The following FAM20A variants were observed in gnomAD, a reference collection of about 807,000 sequenced individuals.
FAM20A encodes the protein pseudokinase FAM20A.
A neutral mutation model predicts 52.0 loss-of-function variants in FAM20A; 42 were observed. The ratio of observed to expected loss-of-function variants is 0.81; its 90% CI spans 0.63 to 1.04. The LOEUF is 1.04. Among genes scored for constraint, FAM20A ranks in the 50% least tolerant of loss-of-function variants. FAM20A has a pLI of 0.00. For synonymous variants in FAM20A, 304 were observed against 298.9 expected (o/e 1.02, Z -0.18); for missense variants, 742 against 712.7 (o/e 1.04, Z -0.47).
intron 1 of FAM20A, among the ~76,000 whole-genome samples, chr17:68,596,213 A>G (rs2088448309): frequency 6.6e-6 from 1 of 152,094 alleles, no homozygotes; most frequent in Admixed American, 6.5e-5. Flanking sequence ...ACACACACAC[A>G]CACACACACC....
intron 7 of FAM20A, chr17:68,541,304 C>T (rs2086280883): frequency 2.4e-5 from 8 of 340,120 alleles, no homozygotes; most frequent in South Asian, 5.5e-5. Context: ...TTGGACCCTG[C>T]GCCACTCATA....
In FAM20A at chr17:68,537,818, C is replaced by T; in HGVS notation, c.1362-77G>A. On this transcript the variant is annotated intron_variant, in intron 10 of 10. Coordinates refer to ENST00000592554, the MANE Select transcript of FAM20A (RefSeq NM_017565.4). This position sits in a 1 kb window ranked among gnomAD's most constrained non-coding sequence, Gnocchi z 4.2. ...TTGCCTGAACTTCTTTCCCCACAAA[C>T]AGCTGTTGTAGCTGATACTCTTGGC... 2 of 1,496,946 alleles carry T rather than the reference C, an allele frequency of 1.3e-6. No individual in the cohort carries two copies. The highest frequency in any genetic ancestry group is 2.4e-5 in the South Asian group (2 of 82,754). 92.7% of individuals were successfully genotyped at this position (1,496,946 alleles called of 1,614,324 possible). A position where few individuals can be genotyped will look rare whatever the true frequency, so the allele number is the denominator to read the frequency against.
Position 68,542,078 on chromosome 17 carries a change from G to A in FAM20A, c.1016C>T (p.Ser339Phe). 6.2e-7 allele frequency: 1 copy of A among 1,613,970 alleles called. No homozygotes were observed. Among genetic ancestry groups the A allele is most frequent in the Non-Finnish European group, 8.5e-7 (1 of 1,179,876 alleles). Residue 339 changes from serine (S) to phenylalanine (F), a missense_variant, in exon 7 of 11, where the codon TCC (serine) becomes TTC (phenylalanine). Physicochemically the swap from Ser to Phe is radical, Grantham distance 155. Transcript: ENST00000592554. ...GAGGGACGGCAGGAAGGCAGAGAGGGAACCCTCCAGCAGGTGTGGGTTGCC... is the reference window on the plus strand; with the variant it reads ...GAGGGACGGCAGGAAGGCAGAGAGGAAACCCTCCAGCAGGTGTGGGTTGCC... ...VCGNPHLLEG[S>F]LSAFLPSLNL...
intron 1 of FAM20A, among the ~76,000 whole-genome samples, chr17:68,593,960 G>A (rs1385180819): frequency 8.5e-5 from 13 of 152,212 alleles, no homozygotes; most frequent in Non-Finnish European, 1.8e-4. Context: ...GGGACATCTG[G>A]GCATCAAAGG....
Position 68,536,734 on chromosome 17 carries a change from CT to C in FAM20A, c.*742del, listed in dbSNP as rs772873230. On this transcript the variant is annotated 3_prime_UTR_variant, in exon 11 of 11. Transcript: ENST00000592554. ...GCCATCCTGACCTTGGAGGACTTTCCTTTTTTTTTCCTTCGTTGTAATTATT... is the reference window on the plus strand; with the variant it reads ...GCCATCCTGACCTTGGAGGACTTTCCTTTTTTTTCCTTCGTTGTAATTATT... The C allele has an allele frequency of 2.9e-5, 13 of 452,552 alleles. No homozygotes were observed. Among genetic ancestry groups the C allele is most frequent in the Admixed American group, 2.4e-5 (1 of 42,376 alleles). 28.0% of individuals were successfully genotyped at this position (452,552 alleles called of 1,614,324 possible). A position where few individuals can be genotyped will look rare whatever the true frequency, so the allele number is the denominator to read the frequency against.
chr17:68,542,872 G>T, intron 5 of FAM20A, 63 bp from the exon 6 acceptor site: 1 of 1,312,624 alleles, frequency 7.6e-7, no homozygotes, highest in Non-Finnish European at 1.1e-6. Context: ...GAGGGGTTTT[G>T]TCCCCCGGCC....
chr17:68,541,394 C>T (rs141776411), intron 7 of FAM20A: 26 of 219,308 alleles, frequency 1.2e-4, no homozygotes, highest in African/African-American at 4.8e-4. Flanking sequence ...CATTTTCATC[C>T]GAGGGCTCTT....
At chr17:68,595,518 G>T (rs2088428469) in intron 1 of FAM20A, among the ~76,000 whole-genome samples, 1 of 152,216 alleles carries the variant, frequency 6.6e-6, no homozygotes, top group African/African-American at 2.4e-5. Context: ...AACTAGTCCA[G>T]CAAGGCTCTA....
rs1261284683 is a variant in FAM20A, at chr17:68,536,278, A to G, written c.*1199T>C. The G allele has an allele frequency of 6.6e-6, 3 of 454,028 alleles. No individual in the cohort carries two copies. In the Admixed American group the frequency reaches 7.0e-5, roughly 11 times the overall value. The allele number at this position is 454,028 out of a possible 1,614,324, so 28.1% of individuals were successfully genotyped here. A position where few individuals can be genotyped will look rare whatever the true frequency, so the allele number is the denominator to read the frequency against. On this transcript the variant is annotated 3_prime_UTR_variant, in exon 11 of 11. Transcript: ENST00000592554. ...GTATTTGAACTCTGGCCTTTACTGGAAAAGTTGATTTGATGAAATGAGGCA... is the reference window on the plus strand; with the variant it reads ...GTATTTGAACTCTGGCCTTTACTGGGAAAGTTGATTTGATGAAATGAGGCA...
chr17:68,537,501 A>G lies in FAM20A; in HGVS notation c.1602T>C (p.Ser534=), dbSNP rs370179954. 5.6e-6 allele frequency: 9 copies of G among 1,613,932 alleles called. No homozygotes were observed. In the African/African-American group the frequency reaches 1.1e-4, roughly 19 times the overall value. ...DGPVEQLAPD[S]GQANLTS is the part of the protein sequence containing the mutation. ...CTTAGCTTGTCAAGTTAGCCTGGCCAGAGTCTGGGGCCAACTGTTCCACTG... is the reference window on the plus strand; with the variant it reads ...CTTAGCTTGTCAAGTTAGCCTGGCCGGAGTCTGGGGCCAACTGTTCCACTG... The change falls in exon 11 of 11, where the codon TCT becomes TCC. Residue 534 remains serine, a synonymous_variant. Transcript: ENST00000592554. This position sits in a 1 kb window ranked among gnomAD's most constrained non-coding sequence, Gnocchi z 4.2.
intron 2 of FAM20A, 81 bp downstream of exon 2, chr17:68,555,478 T>G: frequency 1.3e-6 from 2 of 1,507,604 alleles, no homozygotes; most frequent in Non-Finnish European, 1.8e-6. Context: ...AATGTTCCAC[T>G]CTGGAGCCTA....
At chr17:68,576,188 C>T (rs1403307238) in intron 1 of FAM20A, among the ~76,000 whole-genome samples, 1 of 152,188 alleles carries the variant, frequency 6.6e-6, no homozygotes, top group Non-Finnish European at 1.5e-5. Flanking sequence ...GCACTCTTTG[C>T]TTCAATCCCC....
intron 1 of FAM20A, among the ~76,000 whole-genome samples, chr17:68,578,054 A>G (rs910827616): frequency 1.3e-5 from 2 of 152,288 alleles, no homozygotes; most frequent in Non-Finnish European, 2.9e-5. Flanking sequence ...CATTGGATAG[A>G]CAGGTGTCCT....
intron 1 of FAM20A, among the ~76,000 whole-genome samples, chr17:68,595,751 G>A (rs1365309912): frequency 9.2e-5 from 14 of 152,202 alleles, no homozygotes; most frequent in Non-Finnish European, 1.9e-4. Context: ...TCCAGCCTGC[G>A]GGTTGAATTG....
intron 2 of FAM20A, among the ~76,000 whole-genome samples, chr17:68,555,327 G>A (rs1230072587): frequency 1.3e-5 from 2 of 152,204 alleles, no homozygotes; most frequent in Non-Finnish European, 2.9e-5. Flanking sequence ...AAATGGTAGC[G>A]ATCACCTTCC....
intron 1 of FAM20A, among the ~76,000 whole-genome samples, chr17:68,590,718 C>A (rs2088279733): frequency 6.6e-6 from 1 of 152,170 alleles, no homozygotes; most frequent in South Asian, 2.1e-4. Context: ...AGTTGAGAAA[C>A]TTTCTGGTAC....
At chr17:68,597,500 G>A (rs113177040) in intron 1 of FAM20A, among the ~76,000 whole-genome samples, 5,565 of 151,826 alleles carry the variant, frequency 0.037, 173 homozygotes, top group South Asian at 0.16. Context: ...TTCTTCTGCC[G>A]CAGCCTCCTG....
chr17:68,579,832 A>T (rs193135916), intron 1 of FAM20A, among the ~76,000 whole-genome samples: 240 of 152,296 alleles, frequency 1.6e-3, no homozygotes, highest in Non-Finnish European at 2.8e-3. Flanking sequence ...AGCGACGCAG[A>T]TCACATCAAC....
At chr17:68,561,172 G>T (rs1439714226) in intron 1 of FAM20A, among the ~76,000 whole-genome samples, 1 of 152,090 alleles carries the variant, frequency 6.6e-6, no homozygotes, top group Non-Finnish European at 1.5e-5. Context: ...CTTATTCATG[G>T]CTCCAACTTG....
Sources: gnomAD v4.1 joint callset for allele counts (sites outside exome capture counted in the v4.1 genomes callset) on GRCh38, gnomAD v4.1.1 for gene constraint, Gnocchi (gnomAD v3.1) non-coding constraint, MANE v1.5 for transcripts, NCBI Gene and HGNC (gene_info 2026-07-23, HGNC 2026-07-21) for gene names.